The following BCAS1 variants were observed in gnomAD, a reference collection of about 807,000 sequenced individuals.
BCAS1 encodes the protein breast carcinoma-amplified sequence 1.
Under a neutral mutation model 65.4 loss-of-function variants are expected in BCAS1, and 46 were observed. That is an observed-to-expected ratio of 0.70 (90% confidence interval 0.55 to 0.90). The LOEUF (loss-of-function observed/expected upper bound fraction) is 0.90, where lower values mean the gene tolerates loss of function less well. Ranked by LOEUF, BCAS1 falls within the 40% of genes least tolerant of loss-of-function variation. The probability of loss-of-function intolerance (pLI) is 0.00; values close to 1 mark genes in which losing one functional copy is unlikely to be tolerated. For missense variants in BCAS1, 793 were observed against 771.2 expected (o/e 1.03, Z -0.33); for synonymous variants, 298 against 293.5 (o/e 1.02, Z -0.16).
chr20:53,946,660 T>TG, intron 12 of BCAS1, among the ~76,000 whole-genome samples: 1 of 151,062 alleles, frequency 6.6e-6, no homozygotes, highest in Non-Finnish European at 1.5e-5. Context: ...GTATATATAG[T>TG]ATACATATAT....
At chr20:54,000,003 T>C (rs2091017546) in intron 4 of BCAS1, among the ~76,000 whole-genome samples, 1 of 152,212 alleles carries the variant, frequency 6.6e-6, no homozygotes, top group Non-Finnish European at 1.5e-5. Context: ...GTGCTAGGAT[T>C]ACAGGCATGA....
intron 1 of BCAS1, among the ~76,000 whole-genome samples, chr20:54,061,757 T>C (rs748923126): frequency 5.3e-5 from 8 of 152,212 alleles, no homozygotes; most frequent in Non-Finnish European, 1.2e-4. Context: ...AGGACACTTG[T>C]TGTTTTGTGC....
At chr20:53,962,442 G>A (rs1273481463) in intron 10 of BCAS1, among the ~76,000 whole-genome samples, 1 of 152,164 alleles carries the variant, frequency 6.6e-6, no homozygotes, top group African/African-American at 2.4e-5. Context: ...ATGAAATAAG[G>A]TAGGTGAAAA....
intron 4 of BCAS1, among the ~76,000 whole-genome samples, chr20:54,006,801 G>T (rs1365146756): frequency 1.3e-5 from 2 of 152,056 alleles, no homozygotes; most frequent in African/African-American, 4.8e-5. Flanking sequence ...GATTAGGAGA[G>T]AAATTTTTGA....
intron 9 of BCAS1, among the ~76,000 whole-genome samples, chr20:53,969,871 A>G (rs2090135312): frequency 6.6e-6 from 1 of 152,196 alleles, no homozygotes; most frequent in Non-Finnish European, 1.5e-5. Flanking sequence ...CCTAAATTTC[A>G]TGGGTCAGAG....
intron 10 of BCAS1, among the ~76,000 whole-genome samples, chr20:53,963,353 C>T (rs913623358): frequency 5.3e-5 from 8 of 151,698 alleles, no homozygotes; most frequent in Non-Finnish European, 8.8e-5. Context: ...TGTTGGCATA[C>T]GCTTGTAATC....
intron 1 of BCAS1, among the ~76,000 whole-genome samples, chr20:54,065,113 CATCT>C (rs5841974): frequency 0.12 from 17,484 of 144,174 alleles, 1,095 homozygotes; most frequent in Admixed American, 0.18. Context: ...ATCTATCTAT[CATCT>C]ATCTATCTAT....
At chr20:54,002,770 ATCTC>A (rs1423227929) in intron 4 of BCAS1, among the ~76,000 whole-genome samples, 1 of 152,232 alleles carries the variant, frequency 6.6e-6, no homozygotes. Context: ...TCAATGATCA[ATCTC>A]TCTTTCTTTC....
chr20:54,031,460 T>G (rs780104316), intron 3 of BCAS1, among the ~76,000 whole-genome samples: 2 of 151,318 alleles, frequency 1.3e-5, no homozygotes, highest in African/African-American at 2.4e-5. Flanking sequence ...CATACCCAAG[T>G]CCATCACCTG....
chr20:53,956,501 C>T (rs536389359), intron 11 of BCAS1, among the ~76,000 whole-genome samples: 1 of 152,338 alleles, frequency 6.6e-6, no homozygotes, highest in South Asian at 2.1e-4. Context: ...CAGTAGCTAA[C>T]ATGTATTGAG....
chr20:54,054,638 C>T (rs191324482), intron 3 of BCAS1, among the ~76,000 whole-genome samples: 17 of 152,278 alleles, frequency 1.1e-4, no homozygotes, highest in African/African-American at 3.9e-4. Context: ...ATTGCTACCT[C>T]GGGATTAACT....
At chr20:54,047,707 G>A (rs1443312027) in intron 3 of BCAS1, among the ~76,000 whole-genome samples, 1 of 136,346 alleles carries the variant, frequency 7.3e-6, no homozygotes, top group Admixed American at 7.2e-5. Flanking sequence ...GGTTCTTGGT[G>A]TTTTGAACAA....
At chr20:54,028,243 T>G in intron 4 of BCAS1, 149 bp downstream of exon 4, 1 of 735,158 alleles carries the variant, frequency 1.4e-6, no homozygotes, top group Non-Finnish European at 2.4e-6. Context: ...AGGATGACAC[T>G]CTGCTGCAAT....
chr20:53,957,636 T>C, intron 10 of BCAS1, 139 bp from the exon 11 acceptor site: 1 of 716,846 alleles, frequency 1.4e-6, no homozygotes, highest in Non-Finnish European at 2.4e-6. Context: ...ACTGGAAACA[T>C]GTTACTCATT....
chr20:54,033,715 A>G lies in BCAS1; in HGVS notation c.143-4743T>C, dbSNP rs562715033. 9.9e-5 allele frequency among the ~76,000 whole-genome samples: 15 copies of G among 151,402 alleles called. 2 individuals are homozygous for G. Among genetic ancestry groups the G allele is most frequent in the Non-Finnish European group, 1.9e-4 (13 of 67,566 alleles). On this transcript the variant is annotated intron_variant, in intron 3 of 12. Transcript: ENST00000688948. The stretch of plus-strand genomic sequence containing the variant: ...GATGGATTCACAGGTAAGTTCTACC[A>G]GTTGTACAAAGAAGAGCTGGTACAG...
chr20:54,038,351 T>A (rs2091933795), intron 3 of BCAS1, among the ~76,000 whole-genome samples: 1 of 151,360 alleles, frequency 6.6e-6, no homozygotes, highest in Non-Finnish European at 1.5e-5. Context: ...CATTAATTTC[T>A]TCTTCACTTG....
chr20:53,963,202 C>T (rs898619036), intron 10 of BCAS1, among the ~76,000 whole-genome samples: 1 of 151,600 alleles, frequency 6.6e-6, no homozygotes, highest in Admixed American at 6.6e-5. Flanking sequence ...AGATCTCTAG[C>T]TGGATGCAGT....
chr20:54,019,596 T>A (rs1307550537), intron 4 of BCAS1, among the ~76,000 whole-genome samples: 3 of 152,076 alleles, frequency 2.0e-5, no homozygotes, highest in African/African-American at 7.2e-5. Context: ...CAGAGGAGAT[T>A]AACATTTGAG....
chr20:54,010,977 AATAAAG>A (rs571391689), intron 4 of BCAS1, among the ~76,000 whole-genome samples: 42 of 152,314 alleles, frequency 2.8e-4, no homozygotes, highest in African/African-American at 9.1e-4. Context: ...AATTCTACAG[AATAAAG>A]ATAGTCTTTT....
Sources: allele counts gnomAD v4.1 joint callset (sites outside exome capture counted in the v4.1 genomes callset), GRCh38; gene constraint gnomAD v4.1.1; transcripts MANE v1.5; gene names NCBI Gene and HGNC (gene_info 2026-07-23, HGNC 2026-07-21).